The following TMEM30A variants were observed in gnomAD, a reference collection of about 807,000 sequenced individuals.
The protein encoded by TMEM30A is cell cycle control protein 50A.
TMEM30A carries 24 observed loss-of-function variants against 38.2 expected under a neutral mutation model. That is an observed-to-expected ratio of 0.63 (90% confidence interval 0.46 to 0.88). TMEM30A has a LOEUF of 0.88. TMEM30A is among the 40% of genes least tolerant of loss of function. The pLI is 0.00. For missense variants in TMEM30A, 370 were observed against 458.6 expected (o/e 0.81, Z 1.77); for synonymous variants, 145 against 161.6 (o/e 0.90, Z 0.78).
chr6:75,259,542 C>A (rs775274560), intron 4 of TMEM30A, 52 bp from the exon 5 acceptor site: 2 of 1,489,858 alleles, frequency 1.3e-6, no homozygotes, highest in African/African-American at 2.8e-5. Flanking sequence ...AAACTCATAG[C>A]ATCTGCTTAA....
In TMEM30A at chr6:75,278,520, C is replaced by T. The variant is rs9447465; in HGVS notation, c.237+5882G>A. Among the ~76,000 whole-genome samples the T allele has an allele frequency of 3.4e-3, 511 of 152,270 alleles. 4 individuals carry two copies. The highest frequency in any genetic ancestry group is 0.012 in the African/African-American group (482 of 41,538). On this transcript the variant is annotated intron_variant, in intron 1 of 6. Transcript: ENST00000230461. The stretch of plus-strand genomic sequence containing the variant: ...CTTCCACATTGCTACCGTGAAAAGG[C>T]AGTTAGAACCCTAGCTTCCATGCCG...
intron 1 of TMEM30A, among the ~76,000 whole-genome samples, chr6:75,277,853 G>A (rs147062181): frequency 4.8e-4 from 73 of 152,216 alleles, no homozygotes; most frequent in African/African-American, 1.7e-3. Context: ...TTTGCAGTGC[G>A]CTACGACTGT....
At chr6:75,273,351 G>A (rs986892434) in intron 1 of TMEM30A, among the ~76,000 whole-genome samples, 5 of 152,062 alleles carry the variant, frequency 3.3e-5, no homozygotes, top group Non-Finnish European at 7.4e-5. Flanking sequence ...CCATCATGAC[G>A]TAATCATTCA....
intron 3 of TMEM30A, among the ~76,000 whole-genome samples, chr6:75,264,131 T>C (rs758679695): frequency 5.9e-5 from 9 of 152,190 alleles, no homozygotes; most frequent in African/African-American, 2.2e-4. Context: ...AATCTTTAAG[T>C]AGACTTGTAT....
intron 1 of TMEM30A, among the ~76,000 whole-genome samples, chr6:75,280,920 A>G (rs920297536): frequency 6.6e-6 from 1 of 152,136 alleles, no homozygotes; most frequent in Admixed American, 6.5e-5. Context: ...TTATAATCTA[A>G]TAATTCAATT....
At chr6:75,264,832 T>C (rs1772039157) in intron 3 of TMEM30A, among the ~76,000 whole-genome samples, 1 of 152,016 alleles carries the variant, frequency 6.6e-6, no homozygotes, top group Non-Finnish European at 1.5e-5. Context: ...CCAGGCATGG[T>C]GGCTCATGCC....
chr6:75,283,049 T>A (rs2149525836), intron 1 of TMEM30A, among the ~76,000 whole-genome samples: 1 of 152,176 alleles, frequency 6.6e-6, no homozygotes, highest in East Asian at 1.9e-4. Flanking sequence ...AAATACATGC[T>A]GAAAAAAAAT....
At chr6:75,282,693 CCTCT>C (rs751420952) in intron 1 of TMEM30A, among the ~76,000 whole-genome samples, 2 of 152,178 alleles carry the variant, frequency 1.3e-5, no homozygotes, top group African/African-American at 2.4e-5. Flanking sequence ...CAAATCTCAA[CCTCT>C]CTATTTCTCT....
Position 75,267,646 on chromosome 6 carries a change from A to G in TMEM30A, c.340T>C (p.Phe114Leu), listed in dbSNP as rs758493399. 1.2e-6 allele frequency: 2 copies of G among 1,607,114 alleles called. No individual in the cohort carries two copies. Among genetic ancestry groups the G allele is most frequent in the South Asian group, 2.2e-5 (2 of 89,966 alleles). Reference protein sequence around the residue: ...CTINFTLEKSFEGNVFMYYGL... With the variant: ...CTINFTLEKSLEGNVFMYYGL... ...CATTACTTGGAAACACAGACCTCAA[A>G]TGACTTTTCCAGTGTGAAGTTAATG... The change falls in exon 2 of 7, where the codon TTT becomes CTT. Residue 114 changes from phenylalanine (F) to leucine (L), a missense_variant. By Grantham distance (22) the Phe-to-Leu change is conservative (BLOSUM62 0). Coordinates refer to ENST00000230461, the MANE Select transcript of TMEM30A (RefSeq NM_018247.4).
intron 1 of TMEM30A, among the ~76,000 whole-genome samples, chr6:75,280,845 A>G (rs1469660401): frequency 6.6e-6 from 1 of 152,168 alleles, no homozygotes; most frequent in Non-Finnish European, 1.5e-5. Flanking sequence ...CCTGACTCTT[A>G]GCTAAAGCCT....
intron 3 of TMEM30A, 113 bp from the exon 4 acceptor site, chr6:75,261,024 T>C (rs749573820): frequency 3.1e-5 from 20 of 639,624 alleles, no homozygotes; most frequent in Non-Finnish European, 5.3e-5. Context: ...TTCTCACTTA[T>C]AATACACAGG....
rs755732989 is a variant in TMEM30A, at chr6:75,284,676, C to T, written c.-38G>A. On this transcript the variant is annotated 5_prime_UTR_variant, in exon 1 of 7. Coordinates refer to ENST00000230461, the MANE Select transcript of TMEM30A (RefSeq NM_018247.4). ...CGCCGCTCCGCGATTTGCAGGTGGA[C>T]CACCCAGGGGGCCCGCCGGCTGACC... The T allele has an allele frequency of 3.7e-6, 6 of 1,602,024 alleles. No individual in the cohort carries two copies. The South Asian group carries it at 5.5e-5, about 15-fold the overall frequency.
At chr6:75,258,094 A>G (rs1250046693) in intron 6 of TMEM30A, among the ~76,000 whole-genome samples, 4 of 152,182 alleles carry the variant, frequency 2.6e-5, no homozygotes, top group Non-Finnish European at 5.9e-5. Flanking sequence ...TGGAGTCAAC[A>G]GCCTGGTTAT....
chr6:75,277,873 A>G (rs767508795), intron 1 of TMEM30A, among the ~76,000 whole-genome samples: 3 of 152,218 alleles, frequency 2.0e-5, no homozygotes, highest in African/African-American at 4.8e-5. Context: ...TACCACTGCA[A>G]TGAAGCCCAG....
intron 1 of TMEM30A, among the ~76,000 whole-genome samples, chr6:75,272,014 G>A (rs1202921566): frequency 6.6e-6 from 1 of 152,114 alleles, no homozygotes; most frequent in East Asian, 1.9e-4. Context: ...GAAATCACAA[G>A]GTATATTTAA....
At chr6:75,267,819 G>T in intron 1 of TMEM30A, 71 bp from the exon 2 acceptor site, 1 of 1,000,098 alleles carries the variant, frequency 1.0e-6, no homozygotes, top group Non-Finnish European at 1.4e-6. Context: ...GAAACGACTT[G>T]CTATTAAAAG....
chr6:75,277,822 C>A (rs1198912895), intron 1 of TMEM30A, among the ~76,000 whole-genome samples: 1 of 152,132 alleles, frequency 6.6e-6, no homozygotes, highest in Non-Finnish European at 1.5e-5. Context: ...GGAAGGGTTG[C>A]TTGAGCCTAG....
In TMEM30A at chr6:75,274,880, G is replaced by A. The variant is rs567554087; in HGVS notation, c.238-7132C>T. Among the ~76,000 whole-genome samples, 86 of 152,118 alleles carry A rather than the reference G, an allele frequency of 5.7e-4. 1 individual carries two copies. The highest frequency in any genetic ancestry group is 1.9e-3 in the African/African-American group (77 of 41,518). On this transcript the variant is annotated intron_variant, in intron 1 of 6. Transcript: ENST00000230461. ...CAAAAAATTAGCCAGGCCTGGTGGCGGGCGCCTGTAGTCCCAGCTACTCAG... is the reference window on the plus strand; with the variant it reads ...CAAAAAATTAGCCAGGCCTGGTGGCAGGCGCCTGTAGTCCCAGCTACTCAG...
At chr6:75,273,488 A>G (rs796253783) in intron 1 of TMEM30A, among the ~76,000 whole-genome samples, 2 of 151,938 alleles carry the variant, frequency 1.3e-5, no homozygotes, top group South Asian at 2.1e-4. Context: ...TTTTATTAAA[A>G]AAAAAAAAAA....
Sources: allele counts gnomAD v4.1 joint callset (sites outside exome capture counted in the v4.1 genomes callset), GRCh38; gene constraint gnomAD v4.1.1; transcripts MANE v1.5; gene names NCBI Gene and HGNC (gene_info 2026-07-23, HGNC 2026-07-21).